The following FARSB variants were observed in gnomAD, a reference collection of about 807,000 sequenced individuals.
The protein encoded by FARSB is phenylalanyl-tRNA synthetase subunit beta.
Under a neutral mutation model 69.6 loss-of-function variants are expected in FARSB, and 40 were observed. The ratio of observed to expected loss-of-function variants is 0.57; its 90% CI spans 0.45 to 0.75. The LOEUF is 0.75. Among genes scored for constraint, FARSB ranks in the 30% least tolerant of loss-of-function variants. FARSB has a pLI of 0.00. For synonymous variants in FARSB, 235 were observed against 247.2 expected (o/e 0.95, Z 0.46); for missense variants, 632 against 722.9 (o/e 0.87, Z 1.44).
chr2:222,636,442 C>T (rs1691584787), intron 5 of FARSB, among the ~76,000 whole-genome samples: 1 of 149,718 alleles, frequency 6.7e-6, no homozygotes, highest in Non-Finnish European at 1.5e-5. Context: ...TTCCAGGACA[C>T]CACTTCTTAA....
At chr2:222,653,273 C>T (rs1160007181) in intron 1 of FARSB, among the ~76,000 whole-genome samples, 1 of 152,072 alleles carries the variant, frequency 6.6e-6, no homozygotes, top group African/African-American at 2.4e-5. Context: ...AATATCCTTG[C>T]TAAGCAAAGA....
At position 222,599,369 on chromosome 2, in the gene FARSB, T is replaced by C. The variant is rs115476082; in HGVS notation, c.1618+559A>G. On this transcript the variant is annotated intron_variant, in intron 16 of 16. Coordinates refer to ENST00000281828, the MANE Select transcript of FARSB (RefSeq NM_005687.5). The stretch of plus-strand genomic sequence containing the variant: ...GAATATTAGGAGCACATATATACCA[T>C]TTAGTTAGCCTAGCTTAAACTCTCC... 7.9e-3 allele frequency among the ~76,000 whole-genome samples: 1,210 copies of C among 152,326 alleles called. 15 individuals are homozygous for C. The highest frequency in any genetic ancestry group is 0.028 in the African/African-American group (1,164 of 41,578).
intron 16 of FARSB, among the ~76,000 whole-genome samples, chr2:222,580,850 T>TAGTG (rs1689949323): frequency 6.6e-6 from 1 of 152,070 alleles, no homozygotes; most frequent in South Asian, 2.1e-4. Context: ...CGACAAAATA[T>TAGTG]AGTGACTCGG....
intron 1 of FARSB, among the ~76,000 whole-genome samples, chr2:222,650,117 T>C (rs1187384689): frequency 6.6e-6 from 1 of 152,208 alleles, no homozygotes; most frequent in Non-Finnish European, 1.5e-5. Flanking sequence ...CAGCTAAACC[T>C]TCACAGAAAG....
chr2:222,617,864 G>A (rs1691037126), intron 14 of FARSB, among the ~76,000 whole-genome samples: 1 of 152,210 alleles, frequency 6.6e-6, no homozygotes, highest in Non-Finnish European at 1.5e-5. Context: ...GCCTGGGCAA[G>A]AGAGCGAAGC....
intron 16 of FARSB, among the ~76,000 whole-genome samples, chr2:222,581,110 C>G (rs1426095133): frequency 6.6e-6 from 1 of 152,120 alleles, no homozygotes; most frequent in Non-Finnish European, 1.5e-5. Flanking sequence ...TCAAAAAGCC[C>G]AAGGTTAGGC....
chr2:222,586,364 T>C (rs1266734478), intron 16 of FARSB, among the ~76,000 whole-genome samples: 5 of 152,120 alleles, frequency 3.3e-5, no homozygotes, highest in Admixed American at 1.3e-4. Context: ...AAGGAAGCAC[T>C]AAACATGGAA....
chr2:222,649,234 T>TAA (rs71961708), intron 1 of FARSB, among the ~76,000 whole-genome samples: 166 of 88,286 alleles, frequency 1.9e-3, no homozygotes, highest in African/African-American at 6.5e-3. Flanking sequence ...CTCAAAAAAT[T>TAA]AAAAAAAAAA....
At chr2:222,643,414 C>T (rs566698781) in intron 2 of FARSB, among the ~76,000 whole-genome samples, 2 of 152,288 alleles carry the variant, frequency 1.3e-5, no homozygotes, top group African/African-American at 2.4e-5. Context: ...GTAACAGAGA[C>T]TATAGAGCCA....
At chr2:222,603,732 A>T (rs1690629657) in intron 15 of FARSB, among the ~76,000 whole-genome samples, 1 of 147,616 alleles carries the variant, frequency 6.8e-6, no homozygotes, top group South Asian at 2.1e-4. Context: ...AATATTAATT[A>T]TATATATTAA....
intron 16 of FARSB, among the ~76,000 whole-genome samples, chr2:222,587,413 C>CT (rs1690144400): frequency 6.6e-6 from 1 of 152,126 alleles, no homozygotes; most frequent in African/African-American, 2.4e-5. Flanking sequence ...CAGGAAAGAT[C>CT]TAAAATCAAC....
chr2:222,585,015 G>A lies in FARSB; in HGVS notation c.1619-12993C>T, dbSNP rs1217645386. Reference sequence around the variant, plus strand: ...TAGTGGTTCTCCCAGCACAGAGTTTGAGATCTGAGAACCGACAGACTGCCT... The same window carrying A: ...TAGTGGTTCTCCCAGCACAGAGTTTAAGATCTGAGAACCGACAGACTGCCT... On this transcript the variant is annotated intron_variant, in intron 16 of 16. Transcript: ENST00000281828. Among the ~76,000 whole-genome samples the A allele has an allele frequency of 2.0e-5, 3 of 152,200 alleles. No individual in the cohort carries two copies. The East Asian group carries it at 5.8e-4, about 29-fold the overall frequency.
intron 10 of FARSB, among the ~76,000 whole-genome samples, chr2:222,627,508 C>T (rs1348910944): frequency 6.6e-6 from 1 of 152,212 alleles, no homozygotes; most frequent in Non-Finnish European, 1.5e-5. Context: ...ATTAGCCAAA[C>T]TTGCTCAGAC....
chr2:222,594,125 G>C (rs1690349778), intron 16 of FARSB, among the ~76,000 whole-genome samples: 1 of 134,528 alleles, frequency 7.4e-6, no homozygotes, highest in Admixed American at 7.7e-5. Context: ...AAAAAGAGCT[G>C]AGCATGGTGG....
At chr2:222,650,588 G>GA (rs1474594016) in intron 1 of FARSB, among the ~76,000 whole-genome samples, 1 of 152,044 alleles carries the variant, frequency 6.6e-6, no homozygotes, top group Non-Finnish European at 1.5e-5. Flanking sequence ...TGGTTTGGGG[G>GA]AAAAAATGGG....
chr2:222,638,375 TAAC>T (rs966015391), intron 5 of FARSB, among the ~76,000 whole-genome samples: 3 of 152,342 alleles, frequency 2.0e-5, no homozygotes, highest in African/African-American at 7.2e-5. Context: ...TAGATTAAAA[TAAC>T]TTCTTAAAAT....
intron 8 of FARSB, among the ~76,000 whole-genome samples, chr2:222,630,856 G>A (rs1691403520): frequency 6.6e-6 from 1 of 152,080 alleles, no homozygotes; most frequent in African/African-American, 2.4e-5. Context: ...CAATATTTCT[G>A]AAGGCAAGGA....
intron 16 of FARSB, 144 bp downstream of exon 16, chr2:222,599,784 T>C: frequency 3.0e-6 from 2 of 657,078 alleles, no homozygotes. Context: ...GGGGATATTT[T>C]CTGGATAATA....
chr2:222,626,489 G>T (rs1282944557), intron 10 of FARSB, among the ~76,000 whole-genome samples: 1 of 151,994 alleles, frequency 6.6e-6, no homozygotes, highest in African/African-American at 2.4e-5. Flanking sequence ...TCCCCCAGAG[G>T]ATCCTTCCCT....
Sources: gnomAD v4.1 joint callset for allele counts (sites outside exome capture counted in the v4.1 genomes callset) on GRCh38, gnomAD v4.1.1 for gene constraint, MANE v1.5 for transcripts, NCBI Gene and HGNC (gene_info 2026-07-23, HGNC 2026-07-21) for gene names.